Variants in ACAD10 observed in about 807,000 individuals in gnomAD.
ACAD10 encodes ACAD-10.
A neutral mutation model predicts 116.8 loss-of-function variants in ACAD10; 112 were observed. The observed-to-expected ratio is 0.96, with a 90% CI of 0.82 to 1.12. The LOEUF (loss-of-function observed/expected upper bound fraction) is 1.12, where lower values mean the gene tolerates loss of function less well. Ranked by LOEUF, ACAD10 falls within the 50% of genes most tolerant of loss-of-function variation. The pLI is 0.00. For missense variants in ACAD10, 1,259 were observed against 1,350.2 expected (o/e 0.93, Z 1.06); for synonymous variants, 486 against 510.6 (o/e 0.95, Z 0.65).
chr12:111,728,700 T>C (rs1171119524), intron 9 of ACAD10, among the ~76,000 whole-genome samples: 1 of 152,058 alleles, frequency 6.6e-6, no homozygotes, highest in Non-Finnish European at 1.5e-5. Flanking sequence ...TTTGTTTGTT[T>C]GTTTTTTGAG....
At chr12:111,741,686 A>T (rs1389346957) in intron 12 of ACAD10, among the ~76,000 whole-genome samples, 1 of 152,216 alleles carries the variant, frequency 6.6e-6, no homozygotes, top group Non-Finnish European at 1.5e-5. Context: ...AACAAAATCC[A>T]TTTTTTGAAA....
intron 11 of ACAD10, among the ~76,000 whole-genome samples, chr12:111,736,187 T>G (rs1326720914): frequency 1.6e-5 from 2 of 127,240 alleles, no homozygotes; most frequent in Non-Finnish European, 3.3e-5. Flanking sequence ...AGCCAATTGT[T>G]TTTTTTTTTT....
Position 111,729,815 on chromosome 12 carries a change from T to TTCCACGCC in ACAD10, c.1254_1261dup (p.Gln421LeufsTer26). ...ATCCTATTTCCCGCAGGGGACTATATTCCACGCCAGGTACGAACCTGGGTT... is the reference window on the plus strand; with the variant it reads ...ATCCTATTTCCCGCAGGGGACTATATTCCACGCCTCCACGCCAGGTACGAACCTGGGTT... On this transcript the variant is annotated frameshift_variant, in exon 10 of 21. Transcript: ENST00000313698. LOFTEE classifies it high-confidence loss of function. 1 of 1,613,852 alleles carries TTCCACGCC rather than the reference T, an allele frequency of 6.2e-7. No individual in the cohort carries two copies. Among genetic ancestry groups the TTCCACGCC allele is most frequent in the South Asian group, 1.1e-5 (1 of 91,074 alleles).
At chr12:111,702,114 C>A in intron 2 of ACAD10, 48 bp from the exon 3 acceptor site, 1 of 1,591,614 alleles carries the variant, frequency 6.3e-7, no homozygotes, top group Non-Finnish European at 8.6e-7. Context: ...TCCCTAAACC[C>A]CAGCATGTAT....
At chr12:111,752,552 T>G (rs1027250187) in intron 18 of ACAD10, among the ~76,000 whole-genome samples, 2 of 151,818 alleles carry the variant, frequency 1.3e-5, no homozygotes, top group African/African-American at 2.4e-5. Context: ...GAGGTTGCAG[T>G]GAGCCGAGAT....
chr12:111,701,957 G>C (rs991739008), intron 2 of ACAD10, among the ~76,000 whole-genome samples: 9 of 152,180 alleles, frequency 5.9e-5, no homozygotes, highest in African/African-American at 1.9e-4. Flanking sequence ...ACAGCAGTGT[G>C]CTCTCTGTTG....
chr12:111,687,605 T>C (rs1887909296), intron 1 of ACAD10, among the ~76,000 whole-genome samples: 1 of 152,200 alleles, frequency 6.6e-6, no homozygotes, highest in Admixed American at 6.6e-5. Flanking sequence ...TCTTGTGAAC[T>C]TTTTTAGTAT....
chr12:111,706,782 A>ATTTTTTTTTTTTTTTT (rs36125603), intron 4 of ACAD10, among the ~76,000 whole-genome samples: 1 of 126,504 alleles, frequency 7.9e-6, no homozygotes, highest in African/African-American at 3.2e-5. Context: ...ATATATATAT[A>ATTTTTTTTTTTTTTTT]TTTTTTTTTT....
intron 18 of ACAD10, 66 bp from the exon 19 acceptor site, chr12:111,753,706 G>A (rs571926879): frequency 1.2e-6 from 2 of 1,610,318 alleles, no homozygotes; most frequent in Non-Finnish European, 1.7e-6. Context: ...CAGGCCACCA[G>A]CCCCCGCCTC....
chr12:111,753,294 A>G, intron 18 of ACAD10: 1 of 343,442 alleles, frequency 2.9e-6, no homozygotes, highest in Admixed American at 3.9e-5. Flanking sequence ...CGGGAGCGAG[A>G]CGGGGCTGAG....
intron 17 of ACAD10, 24 bp from the exon 18 acceptor site, chr12:111,749,149 A>C: frequency 6.2e-7 from 1 of 1,613,166 alleles, no homozygotes; most frequent in East Asian, 2.2e-5. Context: ...GCTATTGCTC[A>C]CAGTGATCGT....
intron 7 of ACAD10, among the ~76,000 whole-genome samples, chr12:111,717,284 G>A (rs141853815): frequency 0.015 from 2,324 of 151,088 alleles, 72 homozygotes; most frequent in African/African-American, 0.053. Context: ...CTTGAACCCA[G>A]GAAGCAGAGG....
chr12:111,727,827 C>A, intron 8 of ACAD10, 135 bp from the exon 9 acceptor site: 1 of 818,406 alleles, frequency 1.2e-6, no homozygotes, highest in East Asian at 2.5e-5. Flanking sequence ...AAGGAAGTAT[C>A]CAGTGCTCTG....
chr12:111,689,221 A>AT (rs1296753713), intron 1 of ACAD10, among the ~76,000 whole-genome samples: 1 of 151,622 alleles, frequency 6.6e-6, no homozygotes, highest in Non-Finnish European at 1.5e-5. Flanking sequence ...TATATATCAA[A>AT]TCATATCCAT....
At chr12:111,749,496 T>G in intron 18 of ACAD10, 151 bp downstream of exon 18, 1 of 1,042,106 alleles carries the variant, frequency 9.6e-7, no homozygotes, top group Non-Finnish European at 1.4e-6. Context: ...CTGTCTGCTT[T>G]GCATCTGCTA....
At chr12:111,724,021 G>C (rs1054570867) in intron 8 of ACAD10, among the ~76,000 whole-genome samples, 3 of 151,332 alleles carry the variant, frequency 2.0e-5, no homozygotes, top group Admixed American at 2.0e-4. Context: ...TCACTTCCTA[G>C]ATGTGATGGC....
intron 7 of ACAD10, among the ~76,000 whole-genome samples, chr12:111,717,754 C>G (rs796821128): frequency 1.3e-4 from 19 of 151,990 alleles, no homozygotes; most frequent in African/African-American, 4.6e-4. Context: ...GAGATGGGGC[C>G]TCACTATATT....
rs1190563580 is a variant in ACAD10 at position 111,715,909 on chromosome 12, G to A, written c.939G>A (p.Lys313=). 5.0e-6 allele frequency: 8 copies of A among 1,614,130 alleles called. No homozygotes were observed. The highest frequency in any genetic ancestry group is 6.8e-6 in the Non-Finnish European group (8 of 1,180,006). ...CTAATCGTGATCTAGTTCTGAGGAAGAAGCCCCCAGGGACACTCCTTCCAT... is the reference window on the plus strand; with the variant it reads ...CTAATCGTGATCTAGTTCTGAGGAAAAAGCCCCCAGGGACACTCCTTCCAT... ...RLANRDLVLR[K]KPPGTLLPSA... Residue 313 remains lysine, a synonymous_variant, in exon 7 of 21, where the codon AAG becomes AAA. Coordinates refer to ENST00000313698, the MANE Select transcript of ACAD10 (RefSeq NM_025247.6).
At chr12:111,698,989 C>G (rs1888272881) in intron 2 of ACAD10, among the ~76,000 whole-genome samples, 1 of 152,082 alleles carries the variant, frequency 6.6e-6, no homozygotes, top group Non-Finnish European at 1.5e-5. Flanking sequence ...AAGCTATCCT[C>G]CCACCTCAGC....
Sources: gnomAD v4.1 joint callset for allele counts (sites outside exome capture counted in the v4.1 genomes callset) on GRCh38, gnomAD v4.1.1 for gene constraint, MANE v1.5 for transcripts, NCBI Gene and HGNC (gene_info 2026-07-23, HGNC 2026-07-21) for gene names.